Variants in MAP9 observed in about 807,000 individuals in gnomAD.
MAP9 encodes microtubule associated protein 9, also known as microtubule-associated protein 9.
In MAP9, 80 loss-of-function variants were observed where a neutral mutation model predicts 75.2. That is an observed-to-expected ratio of 1.06 (90% CI 0.89 to 1.28). MAP9 has a LOEUF of 1.28. Among genes scored for constraint, MAP9 ranks in the 50% most tolerant of loss-of-function variants. MAP9 has a pLI of 0.00. For synonymous variants in MAP9, 235 were observed against 237.3 expected, an observed-to-expected ratio of 0.99 and a Z score of 0.09; for missense variants, 753 against 719.9, an observed-to-expected ratio of 1.05 and a Z score of -0.53.
At chr4:155,364,157 A>G (rs941247738) in intron 5 of MAP9, among the ~76,000 whole-genome samples, 4 of 152,126 alleles carry the variant, frequency 2.6e-5, no homozygotes, top group African/African-American at 7.2e-5. Flanking sequence ...AATGATTACA[A>G]GAGAGGCCAA....
At chr4:155,360,475 T>C in intron 6 of MAP9, 60 bp from the exon 7 acceptor site, 1 of 1,477,226 alleles carries the variant, frequency 6.8e-7, no homozygotes, top group Non-Finnish European at 9.1e-7. Context: ...GGTAAATACT[T>C]GATTCATTTG....
At chr4:155,369,213 C>T (rs1021997903) in intron 4 of MAP9, among the ~76,000 whole-genome samples, 1 of 151,716 alleles carries the variant, frequency 6.6e-6, no homozygotes, top group Non-Finnish European at 1.5e-5. Context: ...ATCCCAGCTA[C>T]TCAGGAGACT....
intron 13 of MAP9, chr4:155,350,241 T>A (rs1731455471): frequency 2.2e-6 from 1 of 454,180 alleles, no homozygotes; most frequent in Admixed American, 2.4e-5. Context: ...CTATTCTATC[T>A]GCAAACAAAT....
chr4:155,369,591 G>A (rs375954012), intron 4 of MAP9, among the ~76,000 whole-genome samples: 9 of 152,054 alleles, frequency 5.9e-5, no homozygotes, highest in African/African-American at 2.2e-4. Flanking sequence ...AATCAACAAA[G>A]CGGCAATGGA....
intron 8 of MAP9, among the ~76,000 whole-genome samples, chr4:155,356,112 CA>C (rs1212370881): frequency 6.6e-6 from 1 of 151,906 alleles, no homozygotes; most frequent in Non-Finnish European, 1.5e-5. Flanking sequence ...ACCAAAAATA[CA>C]AAAAATTAGC....
At chr4:155,356,883 G>A (rs926000618) in intron 8 of MAP9, among the ~76,000 whole-genome samples, 12 of 152,098 alleles carry the variant, frequency 7.9e-5, no homozygotes, top group Non-Finnish European at 1.3e-4. Context: ...AGATTCAGAA[G>A]GTTTTTGATT....
chr4:155,357,631 A>G (rs1305837031), intron 7 of MAP9, 112 bp from the exon 8 acceptor site: 3 of 662,016 alleles, frequency 4.5e-6, no homozygotes, highest in Non-Finnish European at 8.0e-6. Context: ...TATGTGTCAA[A>G]CACAGTAGAA....
In MAP9 at chr4:155,369,200, G is replaced by A. The variant is rs1366465669; in HGVS notation, c.482-388C>T. Among the ~76,000 whole-genome samples the A allele has an allele frequency of 2.0e-5, 3 of 151,926 alleles. No individual in the cohort carries two copies. In the East Asian group the frequency reaches 5.8e-4, roughly 29 times the overall value. On this transcript the variant is annotated intron_variant, in intron 4 of 13. Coordinates refer to ENST00000311277, the MANE Select transcript of MAP9 (RefSeq NM_001039580.2). ...TAGCCGGGCTTAGTAGCGCGTGCCT[G>A]TAATCCCAGCTACTCAGGAGACTGA...
chr4:155,374,550 A>C (rs1732752665), intron 3 of MAP9, among the ~76,000 whole-genome samples: 1 of 152,182 alleles, frequency 6.6e-6, no homozygotes, highest in African/African-American at 2.4e-5. Context: ...AGCACTTCTA[A>C]TGTGCACCGA....
At chr4:155,356,340 C>T (rs1289280091) in intron 8 of MAP9, among the ~76,000 whole-genome samples, 2 of 151,910 alleles carry the variant, frequency 1.3e-5, no homozygotes, top group African/African-American at 4.8e-5. Context: ...GTAAAATGTA[C>T]AGTCTTAGTA....
chr4:155,362,285 A>T, intron 5 of MAP9, 144 bp from the exon 6 acceptor site: 1 of 557,274 alleles, frequency 1.8e-6, no homozygotes, highest in African/African-American at 2.0e-5. Flanking sequence ...TGAAACGCAA[A>T]GTGTGACAAG....
chr4:155,362,004 A>G, intron 6 of MAP9, 44 bp downstream of exon 6: 1 of 1,076,748 alleles, frequency 9.3e-7, no homozygotes, highest in Non-Finnish European at 1.4e-6. Context: ...GAGTCTAAGT[A>G]GTACAGAGTT....
intron 13 of MAP9, among the ~76,000 whole-genome samples, chr4:155,348,133 C>T (rs1278329599): frequency 2.6e-5 from 4 of 151,838 alleles, no homozygotes; most frequent in African/African-American, 9.7e-5. Context: ...CCTGGGAGTT[C>T]GAGACCAGCC....
At chr4:155,364,593 T>C (rs1240705853) in intron 5 of MAP9, among the ~76,000 whole-genome samples, 1 of 148,612 alleles carries the variant, frequency 6.7e-6, no homozygotes, top group African/African-American at 2.4e-5. Context: ...ACAGTAGATA[T>C]ATAATATATA....
chr4:155,355,115 T>C lies in MAP9; in HGVS notation c.1336A>G (p.Ile446Val). The C allele has an allele frequency of 7.1e-7, 1 of 1,411,926 alleles. No homozygotes were observed. Among genetic ancestry groups the C allele is most frequent in the Non-Finnish European group, 9.6e-7 (1 of 1,039,140 alleles). The allele number at this position is 1,411,926 out of a possible 1,614,324, so 87.5% of individuals were successfully genotyped here. ...KNVYLHEMHR[I>V]KRIESENLRI... The stretch of plus-strand genomic sequence containing the variant: ...AAGTTTTCACTTTCAATTCTTTTTA[T>C]TCTGTGCATTTCATGTAAATACACA... Residue 446 changes from isoleucine (I) to valine (V), a missense_variant, in exon 10 of 14, where the codon ATA becomes GTA. Transcript: ENST00000311277.
chr4:155,359,728 G>A (rs1012698688), intron 7 of MAP9, among the ~76,000 whole-genome samples: 8 of 151,910 alleles, frequency 5.3e-5, no homozygotes, highest in South Asian at 2.1e-4. Context: ...TTTTAAAGAA[G>A]CACAGATGTT....
chr4:155,357,138 G>A (rs1731829803), intron 8 of MAP9: 1 of 264,496 alleles, frequency 3.8e-6, no homozygotes, highest in South Asian at 4.7e-5. Flanking sequence ...GGAGCACAAA[G>A]AATCCCTAAT....
intron 4 of MAP9, among the ~76,000 whole-genome samples, chr4:155,370,860 A>G (rs1732563266): frequency 6.6e-6 from 1 of 152,190 alleles, no homozygotes; most frequent in Admixed American, 6.5e-5. Flanking sequence ...AGAGTGCTAA[A>G]TTTATGCCAG....
intron 1 of MAP9, 49 bp from the exon 2 acceptor site, chr4:155,375,963 T>C: frequency 1.5e-6 from 1 of 680,468 alleles, no homozygotes; most frequent in Non-Finnish European, 2.5e-6. Flanking sequence ...GAATTTATTT[T>C]ATTACATTTG....
Sources: allele counts gnomAD v4.1 joint callset (sites outside exome capture counted in the v4.1 genomes callset), GRCh38; gene constraint gnomAD v4.1.1; transcripts MANE v1.5; gene names NCBI Gene and HGNC (gene_info 2026-07-23, HGNC 2026-07-21).